Variants in ANKRD30B observed in about 807,000 individuals in gnomAD.
ANKRD30B encodes the protein ankyrin repeat domain 30B, also known as ankyrin repeat domain-containing protein 30B.
A neutral mutation model predicts 202.2 loss-of-function variants in ANKRD30B; 144 were observed. That is an observed-to-expected ratio of 0.71 (90% confidence interval 0.62 to 0.82). The LOEUF (loss-of-function observed/expected upper bound fraction) is 0.82, where lower values mean the gene tolerates loss of function less well. Ranked by LOEUF, ANKRD30B falls within the 40% of genes least tolerant of loss-of-function variation. ANKRD30B has a pLI of 0.00. For synonymous variants in ANKRD30B, 508 were observed against 561.3 expected (o/e 0.91, Z 1.34); for missense variants, 1,487 against 1,669.1 (o/e 0.89, Z 1.90).
At chr18:14,870,345 G>A in the ANKRD30B span, among the ~76,000 whole-genome samples, 22 of 152,330 alleles carry the variant, frequency 1.4e-4, no homozygotes, top group African/African-American at 1.9e-4. Flanking sequence ...TTTGCTGGGG[G>A]CCTCCCACAT....
intron 30 of ANKRD30B, chr18:14,816,003 A>T (rs1393083602): frequency 6.6e-6 from 1 of 152,216 alleles, no homozygotes; most frequent in East Asian, 1.9e-4. Flanking sequence ...CACTGCTGAG[A>T]TGTCAGTTCT....
At chr18:14,908,253 T>A in the ANKRD30B span, among the ~76,000 whole-genome samples, 1 of 152,182 alleles carries the variant, frequency 6.6e-6, no homozygotes, top group Non-Finnish European at 1.5e-5. Flanking sequence ...TCACAGTTCA[T>A]CTTTCCTAGG....
chr18:14,879,779 G>A, the ANKRD30B span, among the ~76,000 whole-genome samples: 1 of 151,494 alleles, frequency 6.6e-6, no homozygotes, highest in Non-Finnish European at 1.5e-5. Flanking sequence ...AGGGGTCAGG[G>A]TCAGGGGTTA....
At chr18:14,871,710 T>C in the ANKRD30B span, among the ~76,000 whole-genome samples, 5 of 151,696 alleles carry the variant, frequency 3.3e-5, no homozygotes, top group Admixed American at 1.3e-4. Context: ...CTGGGTAACA[T>C]AGCAAGACCC....
At chr18:14,894,915 A>T in the ANKRD30B span, among the ~76,000 whole-genome samples, 1 of 150,096 alleles carries the variant, frequency 6.7e-6, no homozygotes, top group Non-Finnish European at 1.5e-5. Flanking sequence ...AAATCTGGAC[A>T]CATCACTAAA....
At chr18:14,863,589 G>C in the ANKRD30B span, among the ~76,000 whole-genome samples, 3 of 152,084 alleles carry the variant, frequency 2.0e-5, no homozygotes, top group Non-Finnish European at 4.4e-5. Context: ...TAAACCAGTA[G>C]TTAATTATGA....
the ANKRD30B span, among the ~76,000 whole-genome samples, chr18:14,886,846 T>G: frequency 6.6e-6 from 1 of 152,204 alleles, no homozygotes; most frequent in Admixed American, 6.5e-5. Flanking sequence ...GCTAGCAAAG[T>G]CCTTGAATCA....
chr18:14,818,144 T>C (rs1292253819), intron 30 of ANKRD30B, among the ~76,000 whole-genome samples: 2 of 152,052 alleles, frequency 1.3e-5, no homozygotes, highest in South Asian at 4.1e-4. Flanking sequence ...AAGAAATGTC[T>C]GTTTTTTCTT....
the ANKRD30B span, among the ~76,000 whole-genome samples, chr18:14,859,986 C>T: frequency 1.5e-5 from 2 of 136,154 alleles, no homozygotes; most frequent in Non-Finnish European, 3.1e-5. Flanking sequence ...AAGAGGCGCT[C>T]CCCACTTCCC....
At chr18:14,866,940 G>A in the ANKRD30B span, among the ~76,000 whole-genome samples, 1 of 146,998 alleles carries the variant, frequency 6.8e-6, no homozygotes, top group African/African-American at 2.5e-5. Flanking sequence ...GCTACCATGA[G>A]CTACAATGTC....
At chr18:14,871,122 CACACACCCT>C in the ANKRD30B span, among the ~76,000 whole-genome samples, 2 of 119,598 alleles carry the variant, frequency 1.7e-5, no homozygotes, top group Non-Finnish European at 1.7e-5. Flanking sequence ...CACTCTCACC[CACACACCCT>C]CACCCACACA....
intron 30 of ANKRD30B, among the ~76,000 whole-genome samples, chr18:14,820,420 A>T (rs1420030965): frequency 6.6e-6 from 1 of 152,140 alleles, no homozygotes; most frequent in Non-Finnish European, 1.5e-5. Context: ...GTGGTGAGAG[A>T]GGGCATCCCT....
intron 9 of ANKRD30B, among the ~76,000 whole-genome samples, chr18:14,772,956 T>C (rs1334381210): frequency 6.6e-6 from 1 of 152,094 alleles, no homozygotes; most frequent in African/African-American, 2.4e-5. Flanking sequence ...TCACTAATTT[T>C]AAAAATAATT....
intron 15 of ANKRD30B, 106 bp from the exon 16 acceptor site, chr18:14,791,295 A>T: frequency 1.1e-6 from 1 of 921,772 alleles, no homozygotes; most frequent in Non-Finnish European, 1.7e-6. Context: ...ATTGTTTGCA[A>T]ACTAGGAAAT....
rs1349509333 is a variant in ANKRD30B, at chr18:14,777,359, G to A, written c.1330-626G>A. On this transcript the variant is annotated intron_variant, in intron 9 of 43. Transcript: ENST00000690538. Reference sequence around the variant, plus strand: ...CGTCACCATGCTGGAGTGCAGTGGAGTGATCTCAGCTGACTACAACCTCCA... The same window carrying A: ...CGTCACCATGCTGGAGTGCAGTGGAATGATCTCAGCTGACTACAACCTCCA... Among the ~76,000 whole-genome samples, 12 of 151,910 alleles carry A rather than the reference G, an allele frequency of 7.9e-5. No homozygotes were observed. In the South Asian group the frequency reaches 8.3e-4, roughly 11 times the overall value.
the ANKRD30B span, among the ~76,000 whole-genome samples, chr18:14,862,763 A>G: frequency 6.6e-6 from 1 of 152,270 alleles, no homozygotes; most frequent in East Asian, 1.9e-4. Context: ...GACAGCAGCC[A>G]TGGTGACTGT....
rs952310960 is a variant in ANKRD30B, at chr18:14,851,469, T to C, written c.3565-40T>C. On this transcript the variant is annotated intron_variant, in intron 41 of 43. Transcript: ENST00000690538. ...TTCAGAGGAACTATGATATGCCATT[T>C]TATTGAGTGCTAGTTAAATTTTTAT... 2.0e-6 allele frequency: 3 copies of C among 1,464,886 alleles called. No homozygotes were observed. The African/African-American group carries it at 4.3e-5, about 21-fold the overall frequency. 90.7% of individuals were successfully genotyped at this position (1,464,886 alleles called of 1,614,324 possible).
intron 30 of ANKRD30B, among the ~76,000 whole-genome samples, chr18:14,815,392 G>A (rs532938969): frequency 6.6e-6 from 1 of 151,858 alleles, no homozygotes; most frequent in Non-Finnish European, 1.5e-5. Flanking sequence ...TGATTCAGCC[G>A]ACTAGGGATT....
the ANKRD30B span, among the ~76,000 whole-genome samples, chr18:14,928,195 C>A: frequency 1.2e-4 from 18 of 152,038 alleles, no homozygotes; most frequent in Non-Finnish European, 2.5e-4. Flanking sequence ...CTCTAACTCC[C>A]GACCTCAGGC....
Sources: allele counts gnomAD v4.1 joint callset (sites outside exome capture counted in the v4.1 genomes callset), GRCh38; gene constraint gnomAD v4.1.1; transcripts MANE v1.5; gene names NCBI Gene and HGNC (gene_info 2026-07-23, HGNC 2026-07-21).